Variants in SUPT3H observed in about 807,000 individuals in gnomAD.
SUPT3H encodes the protein SPT3 homolog, SAGA and STAGA complex component.
In SUPT3H, 44 loss-of-function variants were observed where a neutral mutation model predicts 44.3. The ratio of observed to expected loss-of-function variants is 0.99; its 90% CI spans 0.78 to 1.28. The LOEUF (loss-of-function observed/expected upper bound fraction) is 1.28. Ranked by LOEUF, SUPT3H falls within the 50% of genes most tolerant of loss-of-function variation. SUPT3H has a pLI of 0.00. For missense variants in SUPT3H, 380 were observed against 387.1 expected, an observed-to-expected ratio of 0.98 and a Z score of 0.15; for synonymous variants, 124 against 125.6, an observed-to-expected ratio of 0.99 and a Z score of 0.09.
intron 4 of SUPT3H, among the ~76,000 whole-genome samples, chr6:45,019,791 C>T (rs1272849494): frequency 6.6e-6 from 1 of 151,976 alleles, no homozygotes; most frequent in Admixed American, 6.6e-5. Flanking sequence ...TTTCATGAGT[C>T]TTAAAATTCT....
chr6:45,361,189 C>A (rs1347838961), intron 2 of SUPT3H, among the ~76,000 whole-genome samples: 1 of 152,006 alleles, frequency 6.6e-6, no homozygotes, highest in African/African-American at 2.4e-5. Context: ...TAAGAAAATT[C>A]TGATTAAAAT....
At chr6:45,189,729 C>A (rs913096053) in intron 2 of SUPT3H, among the ~76,000 whole-genome samples, 1 of 152,132 alleles carries the variant, frequency 6.6e-6, no homozygotes, top group Admixed American at 6.5e-5. Flanking sequence ...ATTTGTGAAA[C>A]AAACTAAGAG....
intron 2 of SUPT3H, among the ~76,000 whole-genome samples, chr6:45,223,987 A>G (rs1766485937): frequency 6.7e-6 from 1 of 148,774 alleles, no homozygotes; most frequent in Non-Finnish European, 1.5e-5. Flanking sequence ...AAATATATCT[A>G]ATATCTTAAT....
At chr6:45,241,238 CA>C (rs1770267945) in intron 2 of SUPT3H, among the ~76,000 whole-genome samples, 1 of 152,024 alleles carries the variant, frequency 6.6e-6, no homozygotes. Context: ...AAGCTGGCCC[CA>C]AAACTGGCCA....
At chr6:45,254,104 A>G (rs1772922791) in intron 2 of SUPT3H, among the ~76,000 whole-genome samples, 1 of 152,014 alleles carries the variant, frequency 6.6e-6, no homozygotes, top group Non-Finnish European at 1.5e-5. Flanking sequence ...ATTTATAATC[A>G]GCAATGGGAC....
intron 2 of SUPT3H, among the ~76,000 whole-genome samples, chr6:45,218,192 A>C (rs1765406993): frequency 6.6e-6 from 1 of 152,182 alleles, no homozygotes; most frequent in Non-Finnish European, 1.5e-5. Flanking sequence ...AATAGAAAGC[A>C]GAAGGAGCTG....
Position 45,020,622 on chromosome 6 carries a change from G to C in SUPT3H, c.197C>G (p.Ala66Gly). The change falls in exon 4 of 11, where the codon GCT becomes GGT. Residue 66 changes from alanine to glycine, a missense_variant. Physicochemically the swap from Ala to Gly is moderately conservative, Grantham distance 60. Coordinates refer to ENST00000371459, the MANE Select transcript of SUPT3H (RefSeq NM_003599.4). ...HTQLINLLQQ[A>G]AEVSQLRGAR... ...TCCCCGCAGCTGAGAAACTTCAGCA[G>C]CTTGCTGTAACTAACAATAATGAAA... The C allele has an allele frequency of 1.9e-6, 3 of 1,610,030 alleles. No homozygotes were observed. The highest frequency in any genetic ancestry group is 2.5e-6 in the Non-Finnish European group (3 of 1,177,640).
chr6:44,996,543 TAG>T (rs1322029550), intron 6 of SUPT3H, among the ~76,000 whole-genome samples: 1 of 151,894 alleles, frequency 6.6e-6, no homozygotes, highest in African/African-American at 2.4e-5. Context: ...AATATTTTAA[TAG>T]AGTCTATTTC....
At chr6:45,084,345 A>G (rs1034132686) in intron 3 of SUPT3H, among the ~76,000 whole-genome samples, 3 of 152,170 alleles carry the variant, frequency 2.0e-5, no homozygotes, top group Non-Finnish European at 4.4e-5. Context: ...ATGAACAGAC[A>G]CTTCTGAAAA....
chr6:44,953,294 T>C lies in SUPT3H; in HGVS notation c.801+16A>G, dbSNP rs769768221. On this transcript the variant is annotated intron_variant, in intron 9 of 10. Transcript: ENST00000371459. ...AAATTCACAAATGTTTTAAGACAGA[T>C]TTTTTTTGTACTTACCTCAGCAGAG... The C allele has an allele frequency of 1.3e-6, 2 of 1,580,058 alleles. No homozygotes were observed. The highest frequency in any genetic ancestry group is 2.7e-5 in the African/African-American group (2 of 74,104).
intron 10 of SUPT3H, among the ~76,000 whole-genome samples, chr6:44,857,413 G>C (rs560448709): frequency 1.3e-5 from 2 of 152,008 alleles, no homozygotes; most frequent in African/African-American, 4.8e-5. Context: ...TGCTACAATC[G>C]TTTGCTTTAA....
intron 2 of SUPT3H, among the ~76,000 whole-genome samples, chr6:45,253,299 T>C (rs988113777): frequency 2.6e-5 from 4 of 152,218 alleles, no homozygotes; most frequent in Non-Finnish European, 5.9e-5. Flanking sequence ...AGAATTAGTC[T>C]GCCTGAAGTA....
At chr6:45,144,223 CAGAAAAGGACATAACA>C (rs561349001) in intron 2 of SUPT3H, among the ~76,000 whole-genome samples, 69 of 152,102 alleles carry the variant, frequency 4.5e-4, no homozygotes, top group Admixed American at 7.9e-4. Context: ...ATACCAAAAC[CAGAAAAGGACATAACA>C]AGAAAAGTGA....
intron 3 of SUPT3H, among the ~76,000 whole-genome samples, chr6:45,038,050 C>T (rs1174828067): frequency 2.6e-5 from 4 of 151,976 alleles, no homozygotes; most frequent in Non-Finnish European, 5.9e-5. Context: ...TGAAATTATA[C>T]GTAAAATGTT....
chr6:45,312,171 A>G (rs968491678), intron 2 of SUPT3H, among the ~76,000 whole-genome samples: 3 of 152,126 alleles, frequency 2.0e-5, no homozygotes, highest in African/African-American at 7.2e-5. Context: ...CAGGAGTAGC[A>G]ATTCTTATAT....
At chr6:45,170,166 C>A (rs1810536614) in intron 2 of SUPT3H, among the ~76,000 whole-genome samples, 1 of 152,164 alleles carries the variant, frequency 6.6e-6, no homozygotes, top group African/African-American at 2.4e-5. Context: ...CTTAAAAGTG[C>A]AAACTATCAA....
chr6:45,104,101 A>G (rs1798952303), intron 3 of SUPT3H, among the ~76,000 whole-genome samples: 1 of 152,162 alleles, frequency 6.6e-6, no homozygotes, highest in Admixed American at 6.5e-5. Context: ...GATGAAGGAA[A>G]AGACTGAAAT....
intron 2 of SUPT3H, among the ~76,000 whole-genome samples, chr6:45,273,088 G>A (rs1363238332): frequency 6.6e-6 from 1 of 152,198 alleles, no homozygotes; most frequent in Non-Finnish European, 1.5e-5. Flanking sequence ...GCTGATCTGG[G>A]TGCAGCAACC....
chr6:45,298,567 C>A (rs1288069038), intron 2 of SUPT3H, among the ~76,000 whole-genome samples: 1 of 151,338 alleles, frequency 6.6e-6, no homozygotes, highest in East Asian at 1.9e-4. Context: ...GATCTCCTGA[C>A]CTCGTGATCC....
Sources: gnomAD v4.1 joint callset for allele counts (sites outside exome capture counted in the v4.1 genomes callset) on GRCh38, gnomAD v4.1.1 for gene constraint, MANE v1.5 for transcripts, NCBI Gene and HGNC (gene_info 2026-07-23, HGNC 2026-07-21) for gene names.